FGF14: variants seen among roughly 807,000 people sequenced by gnomAD.
FGF14 encodes the protein fibroblast growth factor homologous factor 4.
FGF14 carries 5 observed loss-of-function variants against 25.5 expected under a neutral mutation model. That is an observed-to-expected ratio of 0.20 (90% confidence interval 0.10 to 0.41). The LOEUF (loss-of-function observed/expected upper bound fraction) is 0.41. FGF14 is among the 10% of genes least tolerant of loss of function. FGF14 has a pLI of 1.00. For synonymous variants in FGF14, 138 were observed against 118.3 expected, an observed-to-expected ratio of 1.17 and a Z score of -1.08; for missense variants, 222 against 320.1, an observed-to-expected ratio of 0.69 and a Z score of 2.34.
chr13:101,819,325 T>C (rs1396359787), intron 3 of FGF14, among the ~76,000 whole-genome samples: 1 of 152,182 alleles, frequency 6.6e-6, no homozygotes, highest in Non-Finnish European at 1.5e-5. Flanking sequence ...ATTTCTCTTA[T>C]GAAAAATAAA....
rs2034834996 is a variant in FGF14, at chr13:101,719,243, TGATAAA to T, written c.*3582_*3587del. 1 of 152,250 alleles carries T rather than the reference TGATAAA, an allele frequency of 6.6e-6. No individual in the cohort carries two copies. The highest frequency in any genetic ancestry group is 2.4e-5 in the African/African-American group (1 of 41,564). 9.4% of individuals were successfully genotyped at this position (152,250 alleles called of 1,614,324 possible). On this transcript the variant is annotated 3_prime_UTR_variant, in exon 5 of 5. Coordinates refer to ENST00000376143, the MANE Select transcript of FGF14 (RefSeq NM_004115.4). ...CAACCAAATCTGATATTGTTCATCC[TGATAAA>T]AATAACAACTTTTAGTGCTTAAAGC...
chr13:101,965,260 A>AAC (rs1555329387), intron 1 of FGF14, among the ~76,000 whole-genome samples: 12,553 of 150,684 alleles, frequency 0.083, 619 homozygotes, highest in East Asian at 0.19. Context: ...AAAAAAAAAA[A>AAC]ACCTCCTCTT....
intron 1 of FGF14, among the ~76,000 whole-genome samples, chr13:101,932,226 T>C (rs992835874): frequency 6.6e-6 from 1 of 152,128 alleles, no homozygotes; most frequent in African/African-American, 2.4e-5. Context: ...TTCTTTTCAT[T>C]GCTTTTTAAA....
intron 1 of FGF14, among the ~76,000 whole-genome samples, chr13:102,391,336 T>C (rs1383249769): frequency 2.0e-5 from 3 of 152,166 alleles, no homozygotes; most frequent in Admixed American, 6.5e-5. Flanking sequence ...ATACTAACTA[T>C]AGCATTCATG....
intron 1 of FGF14, among the ~76,000 whole-genome samples, chr13:101,981,674 C>T (rs182173136): frequency 1.2e-4 from 18 of 152,170 alleles, no homozygotes; most frequent in Admixed American, 7.2e-4. Flanking sequence ...ACAACAAAAA[C>T]CCTCGAAATT....
intron 1 of FGF14, among the ~76,000 whole-genome samples, chr13:102,399,477 C>T (rs1334490685): frequency 6.6e-6 from 1 of 152,060 alleles, no homozygotes; most frequent in African/African-American, 2.4e-5. Flanking sequence ...CCACTGCAGC[C>T]CTTGGCCTTT....
At chr13:102,021,009 G>C (rs960946343) in intron 1 of FGF14, among the ~76,000 whole-genome samples, 17 of 151,976 alleles carry the variant, frequency 1.1e-4, no homozygotes, top group Non-Finnish European at 2.4e-4. Flanking sequence ...AGAGTACAAG[G>C]TATTTGATTA....
intron 1 of FGF14, among the ~76,000 whole-genome samples, chr13:102,137,529 G>GA (rs2046464610): frequency 6.6e-6 from 1 of 152,132 alleles, no homozygotes; most frequent in Non-Finnish European, 1.5e-5. Context: ...TCCCTACAAA[G>GA]AAATGGACTT....
intron 3 of FGF14, among the ~76,000 whole-genome samples, chr13:101,856,860 AAC>A (rs2044151633): frequency 6.6e-6 from 1 of 152,012 alleles, no homozygotes; most frequent in Non-Finnish European, 1.5e-5. Context: ...TTTGAACCAT[AAC>A]ACAGTATTGC....
intron 1 of FGF14, among the ~76,000 whole-genome samples, chr13:102,334,742 A>G (rs955769790): frequency 1.3e-5 from 2 of 152,130 alleles, no homozygotes; most frequent in African/African-American, 4.8e-5. Context: ...GATGTTTTGA[A>G]TTTTTGCTTT....
intron 1 of FGF14, among the ~76,000 whole-genome samples, chr13:102,067,012 C>T (rs879382937): frequency 6.6e-6 from 1 of 152,190 alleles, no homozygotes; most frequent in Non-Finnish European, 1.5e-5. Context: ...CTCACCATGT[C>T]TCCTACTGCT....
intron 1 of FGF14, among the ~76,000 whole-genome samples, chr13:102,202,028 A>C (rs1472120139): frequency 6.6e-6 from 1 of 151,978 alleles, no homozygotes; most frequent in African/African-American, 2.4e-5. Flanking sequence ...TGGTTGTTTA[A>C]AAGTGTGTGG....
chr13:102,367,836 T>G (rs2057759090), intron 1 of FGF14: 1 of 152,264 alleles, frequency 6.6e-6, no homozygotes, highest in African/African-American at 2.4e-5. Flanking sequence ...CTATCCATCT[T>G]CTCTCTCGCA....
intron 3 of FGF14, among the ~76,000 whole-genome samples, chr13:101,785,493 A>T (rs2039760234): frequency 6.6e-6 from 1 of 152,032 alleles, no homozygotes; most frequent in African/African-American, 2.4e-5. Context: ...GGGCAACTTG[A>T]TGTATGTAGG....
intron 1 of FGF14, among the ~76,000 whole-genome samples, chr13:102,378,322 T>C (rs2058088747): frequency 6.6e-6 from 1 of 151,998 alleles, no homozygotes; most frequent in South Asian, 2.1e-4. Context: ...GAAATCTCTA[T>C]GTCTTCCTTT....
At chr13:102,123,597 A>G (rs539581684) in intron 1 of FGF14, among the ~76,000 whole-genome samples, 59 of 76,578 alleles carry the variant, frequency 7.7e-4, no homozygotes, top group Admixed American at 2.8e-3. Context: ...TTCAAACACT[A>G]TGAAGCTGTC....
chr13:102,167,257 G>T (rs2048052482), intron 1 of FGF14, among the ~76,000 whole-genome samples: 1 of 133,816 alleles, frequency 7.5e-6, no homozygotes, highest in Admixed American at 8.5e-5. Context: ...AGAATCGTGT[G>T]AACCCTGAAG....
chr13:102,229,941 G>C lies in FGF14; in HGVS notation c.208+171530C>G, dbSNP rs545499832. Among the ~76,000 whole-genome samples, 6 of 152,276 alleles carry C rather than the reference G, an allele frequency of 3.9e-5. 1 individual carries two copies. The East Asian group carries it at 1.2e-3, about 29-fold the overall frequency. ...TCTGTTATTCAATTCATTAAATGAC[G>C]ATTCTATTCCAGGCATTGTACTAGT... On this transcript the variant is annotated intron_variant, in intron 1 of 4. Coordinates refer to the FGF14 transcript ENST00000376131.
chr13:101,987,838 G>A (rs2038676725), intron 1 of FGF14, among the ~76,000 whole-genome samples: 1 of 151,978 alleles, frequency 6.6e-6, no homozygotes, highest in Non-Finnish European at 1.5e-5. Flanking sequence ...ATTGATCAAT[G>A]ATCATCTCCC....
Sources: allele counts gnomAD v4.1 joint callset (sites outside exome capture counted in the v4.1 genomes callset), GRCh38; gene constraint gnomAD v4.1.1; transcripts MANE v1.5; gene names NCBI Gene and HGNC (gene_info 2026-07-23, HGNC 2026-07-21).